Variants in AKR1C8 observed in about 807,000 individuals in gnomAD.
The protein encoded by AKR1C8 is aldo-keto reductase family 1 member C-like protein 1.
the AKR1C8 span, among the ~76,000 whole-genome samples, chr10:5,168,361 C>T: frequency 3.3e-5 from 5 of 152,184 alleles, no homozygotes; most frequent in South Asian, 1.0e-3. Flanking sequence ...TTCTTGTTCC[C>T]ATTTTCCAGA....
At chr10:5,157,733 C>A in the AKR1C8 span, 30 of 472,044 alleles carry the variant, frequency 6.4e-5, no homozygotes, top group Non-Finnish European at 1.3e-4. Flanking sequence ...CCTGGGCTTC[C>A]ACTGTGTTTC....
At chr10:5,156,525 G>GATCGATCT in the AKR1C8 span, among the ~76,000 whole-genome samples, 1 of 140,934 alleles carries the variant, frequency 7.1e-6, no homozygotes, top group Non-Finnish European at 1.6e-5. Context: ...GAAAGACTCA[G>GATCGATCT]ATCTATCTAT....
At chr10:5,145,416 A>G in the AKR1C8 span, among the ~76,000 whole-genome samples, 51 of 152,292 alleles carry the variant, frequency 3.3e-4, no homozygotes, top group African/African-American at 1.2e-3. Flanking sequence ...GGCAACCTAC[A>G]AAATGGGAGA....
the AKR1C8 span, among the ~76,000 whole-genome samples, chr10:5,178,363 G>C: frequency 6.6e-6 from 1 of 152,130 alleles, no homozygotes; most frequent in Non-Finnish European, 1.5e-5. Context: ...TATAATTTCT[G>C]TTCTTTTACA....
chr10:5,126,702 T>G, the AKR1C8 span, among the ~76,000 whole-genome samples: 1 of 152,012 alleles, frequency 6.6e-6, no homozygotes, highest in South Asian at 2.1e-4. Context: ...GAGAATAAGA[T>G]AAGCTTCAAG....
the AKR1C8 span, among the ~76,000 whole-genome samples, chr10:5,125,123 G>A: frequency 6.6e-6 from 1 of 151,570 alleles, no homozygotes; most frequent in African/African-American, 2.4e-5. Flanking sequence ...AATTTTCTCT[G>A]TAGAAGTTGT....
At chr10:5,154,480 G>A in the AKR1C8 span, 50 of 274,548 alleles carry the variant, frequency 1.8e-4, no homozygotes, top group East Asian at 4.0e-3. Context: ...CTTTTTAATT[G>A]GGTGACATTA....
chr10:5,171,190 T>G, the AKR1C8 span, among the ~76,000 whole-genome samples: 1 of 152,064 alleles, frequency 6.6e-6, no homozygotes, highest in Non-Finnish European at 1.5e-5. Context: ...AACCTGCATT[T>G]AAGAGTACCT....
At chr10:5,165,639 T>C in the AKR1C8 span, among the ~76,000 whole-genome samples, 6,381 of 152,284 alleles carry the variant, frequency 0.042, 208 homozygotes, top group Non-Finnish European at 0.063. Flanking sequence ...ACACCTGTTC[T>C]ACATCCACTT....
the AKR1C8 span, among the ~76,000 whole-genome samples, chr10:5,172,001 T>G: frequency 6.6e-6 from 1 of 152,124 alleles, no homozygotes; most frequent in Non-Finnish European, 1.5e-5. Flanking sequence ...TTACTTTTGT[T>G]GAAAACCTTC....
chr10:5,117,756 GAGAGAGGAAAGCA>G, the AKR1C8 span, among the ~76,000 whole-genome samples: 2 of 152,010 alleles, frequency 1.3e-5, no homozygotes, highest in African/African-American at 4.8e-5. Context: ...TTCACAGAGT[GAGAGAGGAAAGCA>G]AGAGAGGAAA....
At chr10:5,130,564 C>A in the AKR1C8 span, among the ~76,000 whole-genome samples, 3 of 151,960 alleles carry the variant, frequency 2.0e-5, no homozygotes, top group South Asian at 6.2e-4. Context: ...ATTTGATAAA[C>A]AAATTCAGTA....
the AKR1C8 span, among the ~76,000 whole-genome samples, chr10:5,127,722 C>CA: frequency 4.9e-3 from 388 of 79,630 alleles, 5 homozygotes; most frequent in Non-Finnish European, 7.4e-3. Flanking sequence ...AAGACTCTGT[C>CA]AAAAAAAAAA....
At chr10:5,173,491 C>T in the AKR1C8 span, among the ~76,000 whole-genome samples, 5 of 151,768 alleles carry the variant, frequency 3.3e-5, no homozygotes, top group Admixed American at 6.6e-5. Context: ...GAAGCAGATG[C>T]AAAGGCATGA....
the AKR1C8 span, among the ~76,000 whole-genome samples, chr10:5,135,542 T>C: frequency 6.6e-6 from 1 of 151,884 alleles, no homozygotes; most frequent in Non-Finnish European, 1.5e-5. Context: ...TGGCTATCTA[T>C]TATCTATCTA....
At chr10:5,144,956 A>C in the AKR1C8 span, among the ~76,000 whole-genome samples, 1 of 151,714 alleles carries the variant, frequency 6.6e-6, no homozygotes, top group African/African-American at 2.4e-5. Flanking sequence ...GCCAGTTTTC[A>C]AAGGGAATGC....
At chr10:5,175,888 G>C in the AKR1C8 span, among the ~76,000 whole-genome samples, 1 of 152,176 alleles carries the variant, frequency 6.6e-6, no homozygotes, top group African/African-American at 2.4e-5. Flanking sequence ...CCCTTTGTCA[G>C]ATGAGTAGGT....
At chr10:5,127,722 CAAAAAAAAAAAAAA>C in the AKR1C8 span, among the ~76,000 whole-genome samples, 6 of 79,660 alleles carry the variant, frequency 7.5e-5, no homozygotes, top group East Asian at 7.4e-4. Context: ...AAGACTCTGT[CAAAAAAAAAAAAAA>C]AAAAAAAAAA....
chr10:5,142,627 GAGAT>G, the AKR1C8 span, among the ~76,000 whole-genome samples: 1 of 152,134 alleles, frequency 6.6e-6, no homozygotes. Context: ...CAGAGGGAAA[GAGAT>G]AGGGGAACCA....
Sources: gnomAD v4.1 joint callset for allele counts (sites outside exome capture counted in the v4.1 genomes callset) on GRCh38, gnomAD v4.1.1 for gene constraint, MANE v1.5 for transcripts, NCBI Gene and HGNC (gene_info 2026-07-23, HGNC 2026-07-21) for gene names.